HYDIN: variants seen among roughly 807,000 people sequenced by gnomAD.
The protein encoded by HYDIN is axonemal central pair apparatus protein HYDIN.
Under a neutral mutation model 403.9 loss-of-function variants are expected in HYDIN, and 132 were observed. The observed-to-expected ratio is 0.33, with a 90% CI of 0.28 to 0.38. The LOEUF (loss-of-function observed/expected upper bound fraction) is 0.38, where lower values mean the gene tolerates loss of function less well. Among genes scored for constraint, HYDIN ranks in the 10% least tolerant of loss-of-function variants. The probability of loss-of-function intolerance (pLI) is 1.00; values close to 1 mark genes in which losing one functional copy is unlikely to be tolerated. For missense variants in HYDIN, 2,827 were observed against 5,009.5 expected (o/e 0.56, Z 13.15); for synonymous variants, 1,202 against 1,891.7 (o/e 0.64, Z 9.46).
intron 1 of HYDIN, among the ~76,000 whole-genome samples, chr16:71,193,594 G>A (rs1320545903): frequency 2.0e-5 from 3 of 152,146 alleles, no homozygotes; most frequent in Non-Finnish European, 4.4e-5. Flanking sequence ...GTAGGGAATT[G>A]AGTTCTGTTC....
intron 18 of HYDIN, among the ~76,000 whole-genome samples, chr16:71,042,310 C>G (rs956573511): frequency 2.6e-5 from 4 of 152,218 alleles, no homozygotes; most frequent in African/African-American, 9.6e-5. Context: ...CAGTCCACCA[C>G]TGTCAGTTCT....
intron 18 of HYDIN, among the ~76,000 whole-genome samples, chr16:71,060,120 T>TG (rs1210199199): frequency 6.6e-6 from 1 of 151,686 alleles, no homozygotes; most frequent in African/African-American, 2.4e-5. Flanking sequence ...AGTGTTTTTT[T>TG]GAGGGCTGGG....
intron 18 of HYDIN, among the ~76,000 whole-genome samples, chr16:71,051,662 A>AAAAAAAAAAAC (rs2081650795): frequency 8.9e-6 from 1 of 112,200 alleles, no homozygotes; most frequent in African/African-American, 3.2e-5. Flanking sequence ...AAAAAAAACA[A>AAAAAAAAAAAC]AAAAAACAAA....
rs185084111 is a variant in HYDIN at position 71,052,447 on chromosome 16, T to C, written c.2529+8057A>G. Among the ~76,000 whole-genome samples, 15 of 151,888 alleles carry C rather than the reference T, an allele frequency of 9.9e-5. 1 individual carries two copies. In the East Asian group the frequency reaches 2.5e-3, roughly 25 times the overall value. On this transcript the variant is annotated intron_variant, in intron 18 of 85. Coordinates refer to ENST00000393567, the MANE Select transcript of HYDIN (RefSeq NM_001270974.2). ...CGAATGGCTTTCTTCATGAAAAAAA[T>C]AGACTTTACTTGCATTAGATAAAAA...
chr16:70,956,299 G>C (rs2143935128), intron 39 of HYDIN, among the ~76,000 whole-genome samples: 1 of 149,060 alleles, frequency 6.7e-6, no homozygotes, highest in South Asian at 2.1e-4. Flanking sequence ...TAACAGACAA[G>C]AGAAAAGAAA....
At chr16:70,923,144 G>C (rs560230203) in intron 45 of HYDIN, among the ~76,000 whole-genome samples, 1 of 145,834 alleles carries the variant, frequency 6.9e-6, no homozygotes, top group Non-Finnish European at 1.5e-5. Context: ...CAAGAAGTTA[G>C]AAAAAGAACG....
intron 47 of HYDIN, 114 bp from the exon 48 acceptor site, chr16:70,908,975 G>T: frequency 5.6e-6 from 6 of 1,067,432 alleles, no homozygotes; most frequent in Non-Finnish European, 8.0e-6. Context: ...GGGTCAGGAA[G>T]GCTAGAGCAG....
chr16:70,874,744 G>A, intron 63 of HYDIN, 73 bp downstream of exon 63: 1 of 1,507,140 alleles, frequency 6.6e-7, no homozygotes, highest in Non-Finnish European at 8.9e-7. Flanking sequence ...CCTCTGGCTG[G>A]GCCTTGAGTG....
At chr16:71,056,976 A>G (rs7201043) in intron 18 of HYDIN, among the ~76,000 whole-genome samples, 53 of 132,046 alleles carry the variant, frequency 4.0e-4, no homozygotes, top group Admixed American at 1.4e-3. Context: ...ATTTTCCCCT[A>G]TGAGAACTAC....
At chr16:70,991,041 A>T (rs559734407) in intron 25 of HYDIN, among the ~76,000 whole-genome samples, 2 of 152,354 alleles carry the variant, frequency 1.3e-5, no homozygotes, top group African/African-American at 2.4e-5. Context: ...ATTTAAGGGT[A>T]TTAATTTTTA....
intron 45 of HYDIN, among the ~76,000 whole-genome samples, chr16:70,931,780 C>T (rs1446274618): frequency 4.0e-5 from 6 of 150,392 alleles, no homozygotes; most frequent in East Asian, 2.0e-4. Context: ...TTTGGGAGGC[C>T]AAGGTGGATG....
chr16:70,880,497 G>A (rs950286514), intron 60 of HYDIN, among the ~76,000 whole-genome samples: 5 of 151,916 alleles, frequency 3.3e-5, no homozygotes, highest in East Asian at 1.9e-4. Context: ...CAGAGCATCC[G>A]CTGGTCTTCT....
chr16:71,013,535 T>G (rs1597544202), intron 23 of HYDIN, among the ~76,000 whole-genome samples: 1 of 150,828 alleles, frequency 6.6e-6, no homozygotes, highest in African/African-American at 2.4e-5. Context: ...CTGAGGGGAG[T>G]AGGAGCTGTG....
chr16:71,152,411 C>G (rs2085573096), intron 7 of HYDIN, among the ~76,000 whole-genome samples: 2 of 150,672 alleles, frequency 1.3e-5, no homozygotes, highest in Admixed American at 6.6e-5. Flanking sequence ...TGTTTAGTTA[C>G]ATGAATAAGT....
In HYDIN at chr16:71,027,586, T is replaced by C. The variant is rs375443897; in HGVS notation, c.3042+16A>G. 6 of 1,614,010 alleles carry C rather than the reference T, an allele frequency of 3.7e-6. No homozygotes were observed. The African/African-American group carries it at 8.0e-5, about 22-fold the overall frequency. On this transcript the variant is annotated intron_variant, in intron 20 of 85. Transcript: ENST00000393567. Reference sequence around the variant, plus strand: ...TTAGGAAAAAACAATAGCTTCCAAATGTGCTATCCCCTTACCCTGGGAGTA... The same window carrying C: ...TTAGGAAAAAACAATAGCTTCCAAACGTGCTATCCCCTTACCCTGGGAGTA...
At chr16:70,938,835 C>T (rs1453058432) in intron 43 of HYDIN, 80 bp from the exon 44 acceptor site, 1 of 1,495,184 alleles carries the variant, frequency 6.7e-7, no homozygotes, top group Non-Finnish European at 9.1e-7. Flanking sequence ...GGAGTAGGGT[C>T]TTAGTGTGGG....
chr16:71,208,928 A>G (rs919693976), intron 1 of HYDIN, among the ~76,000 whole-genome samples: 2 of 152,176 alleles, frequency 1.3e-5, no homozygotes, highest in African/African-American at 4.8e-5. Context: ...AAGAAAGCCC[A>G]GGACCAGACA....
rs765228385 is a variant in HYDIN, at chr16:70,976,965, T to C, written c.4639-1696A>G. The stretch of plus-strand genomic sequence containing the variant: ...CAGCGTCTGCTGACAGCCTTCCCAG[T>C]TGTCTGGATTCTAGAGCAGCAAAGC... On this transcript the variant is annotated intron_variant, in intron 30 of 85. Transcript: ENST00000393567. Among the ~76,000 whole-genome samples, 29 of 152,094 alleles carry C rather than the reference T, an allele frequency of 1.9e-4. 1 individual carries two copies. Among genetic ancestry groups the C allele is most frequent in the African/African-American group, 6.7e-4 (28 of 41,526 alleles).
At chr16:71,021,994 C>A (rs1597570133) in intron 21 of HYDIN, among the ~76,000 whole-genome samples, 1 of 151,840 alleles carries the variant, frequency 6.6e-6, no homozygotes, top group Non-Finnish European at 1.5e-5. Context: ...CTGGAGTTTA[C>A]CATGAGATAC....
Sources: allele counts gnomAD v4.1 joint callset (sites outside exome capture counted in the v4.1 genomes callset), GRCh38; gene constraint gnomAD v4.1.1; transcripts MANE v1.5; gene names NCBI Gene and HGNC (gene_info 2026-07-23, HGNC 2026-07-21).